Variants in AAMDC observed in about 807,000 individuals in gnomAD.
AAMDC encodes the protein adipogenesis associated Mth938 domain containing.
A neutral mutation model predicts 15.5 loss-of-function variants in AAMDC; 16 were observed. The observed-to-expected ratio is 1.03, with a 90% CI of 0.70 to 1.57. AAMDC has a LOEUF of 1.57. AAMDC is among the 40% of genes most tolerant of loss of function. The pLI is 0.00. For missense variants in AAMDC, 141 were observed against 144.9 expected, an observed-to-expected ratio of 0.97 and a Z score of 0.14; for synonymous variants, 51 against 51.6, an observed-to-expected ratio of 0.99 and a Z score of 0.05.
intron 2 of AAMDC, among the ~76,000 whole-genome samples, chr11:77,848,337 T>C (rs1008239538): frequency 3.3e-5 from 5 of 152,136 alleles, no homozygotes; most frequent in African/African-American, 1.2e-4. Flanking sequence ...CATAAGACCA[T>C]ATGAGTTAAT....
chr11:77,835,254 A>C (rs1451150949), intron 1 of AAMDC, among the ~76,000 whole-genome samples: 1 of 152,142 alleles, frequency 6.6e-6, no homozygotes, highest in Non-Finnish European at 1.5e-5. Context: ...GTCCCACTTT[A>C]TCTCTTTATT....
intron 5 of AAMDC, among the ~76,000 whole-genome samples, chr11:77,889,312 C>T (rs555044707): frequency 6.0e-5 from 9 of 150,890 alleles, no homozygotes; most frequent in Non-Finnish European, 1.0e-4. Context: ...AACCAAACAC[C>T]GCATGTTCTC....
chr11:77,829,013 T>C (rs1402203448), intron 1 of AAMDC, among the ~76,000 whole-genome samples: 1 of 152,226 alleles, frequency 6.6e-6, no homozygotes, highest in African/African-American at 2.4e-5. Flanking sequence ...TGTGTAGTAA[T>C]GGCATATGAC....
At chr11:77,867,145 T>A (rs1248158048) in intron 2 of AAMDC, among the ~76,000 whole-genome samples, 1 of 152,192 alleles carries the variant, frequency 6.6e-6, no homozygotes, top group Admixed American at 6.5e-5. Context: ...CCGGCCCCCA[T>A]GCCTTTCATA....
At chr11:77,874,865 C>A (rs755012632), downstream of AAMDC, among the ~76,000 whole-genome samples, 4 of 152,080 alleles carry the variant, frequency 2.6e-5, no homozygotes, top group Non-Finnish European at 4.4e-5. Flanking sequence ...GGTGAAACCC[C>A]ATCTCTACTA....
chr11:77,902,205 A>G (rs1225692720), downstream of AAMDC, among the ~76,000 whole-genome samples: 2 of 152,188 alleles, frequency 1.3e-5, no homozygotes, highest in Non-Finnish European at 2.9e-5. Flanking sequence ...GTTAAATTAC[A>G]TGAGTGTCTC....
chr11:77,904,193 TC>T (rs1952869642), downstream of AAMDC, among the ~76,000 whole-genome samples: 1 of 152,158 alleles, frequency 6.6e-6, no homozygotes, highest in South Asian at 2.1e-4. Context: ...CATGACCTCA[TC>T]CCTTGCACAA....
intron 3 of AAMDC, 187 bp downstream of exon 3, chr11:77,870,004 C>A: frequency 2.2e-6 from 1 of 455,416 alleles, no homozygotes; most frequent in Non-Finnish European, 4.0e-6. Flanking sequence ...TCTACCTAAC[C>A]CTGAGACAGT....
At chr11:77,855,964 A>G (rs1194097598) in intron 2 of AAMDC, among the ~76,000 whole-genome samples, 1 of 152,044 alleles carries the variant, frequency 6.6e-6, no homozygotes, top group East Asian at 1.9e-4. Flanking sequence ...GCAAAAACAC[A>G]CAAATTTCAC....
chr11:77,857,468 ATATT>A (rs1950669694), intron 2 of AAMDC, among the ~76,000 whole-genome samples: 1 of 152,184 alleles, frequency 6.6e-6, no homozygotes, highest in Non-Finnish European at 1.5e-5. Context: ...ATATCTACAA[ATATT>A]TATTTTTGTA....
downstream of AAMDC, chr11:77,877,191 G>C (rs944885116): frequency 1.2e-5 from 7 of 572,006 alleles, no homozygotes; most frequent in African/African-American, 1.3e-4. Flanking sequence ...ACCTAGGACA[G>C]GTTACTTATT....
chr11:77,849,832 T>C (rs766238882), intron 2 of AAMDC, among the ~76,000 whole-genome samples: 2 of 152,240 alleles, frequency 1.3e-5, no homozygotes, highest in East Asian at 1.9e-4. Context: ...TACATTCCTC[T>C]ATTCTTGGCT....
chr11:77,832,157 A>T (rs1323797560), intron 1 of AAMDC: 3 of 152,104 alleles, frequency 2.0e-5, no homozygotes, highest in Admixed American at 6.5e-5. Flanking sequence ...CAGCTACATC[A>T]TGCACTATAA....
At chr11:77,836,612 A>G (rs1014573994) in intron 1 of AAMDC, among the ~76,000 whole-genome samples, 2 of 152,118 alleles carry the variant, frequency 1.3e-5, no homozygotes, top group Non-Finnish European at 2.9e-5. Flanking sequence ...AATCCTCAAA[A>G]CATACTCGTT....
Position 77,900,290 on chromosome 11 carries a change from A to G in AAMDC, c.329-281A>G, listed in dbSNP as rs569451353. Among the ~76,000 whole-genome samples, 576 of 151,978 alleles carry G rather than the reference A, an allele frequency of 3.8e-3. 2 individuals carry two copies. Among genetic ancestry groups the G allele is most frequent in the African/African-American group, 7.8e-3 (324 of 41,466 alleles). ...AATTTTATGTATTTTTAGTAGAGAC[A>G]GGGTTTCACCATGTTAGCCAGGATG... On this transcript the variant is annotated intron_variant, in intron 5 of 5. Coordinates refer to the AAMDC transcript ENST00000304716.
chr11:77,843,977 C>T (rs372976665), intron 2 of AAMDC, among the ~76,000 whole-genome samples: 233 of 152,202 alleles, frequency 1.5e-3, no homozygotes, highest in South Asian at 6.5e-3. Context: ...TTCACTATCA[C>T]GAGAGCAGCA....
intron 2 of AAMDC, among the ~76,000 whole-genome samples, chr11:77,864,235 C>T (rs961281704): frequency 6.6e-5 from 10 of 151,846 alleles, no homozygotes; most frequent in African/African-American, 2.4e-4. Context: ...CCAAGATGAT[C>T]CCTTTAATAT....
At chr11:77,887,120 G>C (rs1033142062) in intron 5 of AAMDC, among the ~76,000 whole-genome samples, 2 of 152,004 alleles carry the variant, frequency 1.3e-5, no homozygotes, top group African/African-American at 2.4e-5. Flanking sequence ...GAAGGAAATA[G>C]AGACACAAAA....
intron 5 of AAMDC, among the ~76,000 whole-genome samples, chr11:77,895,966 C>T (rs1459053030): frequency 1.3e-5 from 2 of 152,160 alleles, no homozygotes; most frequent in African/African-American, 4.8e-5. Context: ...CCAATTTAAA[C>T]TAGTCTAGAC....
Sources: gnomAD v4.1 joint callset for allele counts (sites outside exome capture counted in the v4.1 genomes callset) on GRCh38, gnomAD v4.1.1 for gene constraint, MANE v1.5 for transcripts, NCBI Gene and HGNC (gene_info 2026-07-23, HGNC 2026-07-21) for gene names.